TMEM217B: variants seen among roughly 807,000 people sequenced by gnomAD.
The protein encoded by TMEM217B is putative transmembrane protein 217B.
At chr6:37,212,250 T>C in the TMEM217B span, 1 of 343,998 alleles carries the variant, frequency 2.9e-6, no homozygotes, top group Non-Finnish European at 5.7e-6. Context: ...ATCTGTAAAA[T>C]AATTGATCCG....
the TMEM217B span, among the ~76,000 whole-genome samples, chr6:37,227,208 G>C: frequency 1.3e-5 from 2 of 152,154 alleles, no homozygotes; most frequent in African/African-American, 4.8e-5. Context: ...TCTAAGGAAG[G>C]CCTCGACTAG....
At chr6:37,245,893 G>A in the TMEM217B span, among the ~76,000 whole-genome samples, 3 of 151,652 alleles carry the variant, frequency 2.0e-5, no homozygotes, top group Admixed American at 6.6e-5. Context: ...TCTGCCTCCC[G>A]GGTTCAAGCG....
chr6:37,224,082 G>A, the TMEM217B span, among the ~76,000 whole-genome samples: 3 of 151,426 alleles, frequency 2.0e-5, no homozygotes, highest in Admixed American at 6.6e-5. Flanking sequence ...GACTACAGGC[G>A]CCCACCACCA....
the TMEM217B span, among the ~76,000 whole-genome samples, chr6:37,229,335 G>GTTTTTTTTTTTT: frequency 3.5e-4 from 26 of 74,364 alleles, 3 homozygotes; most frequent in Middle Eastern, 0.034. Flanking sequence ...GCAACTTTCA[G>GTTTTTTTTTTTT]TTTTTTTTTT....
the TMEM217B span, chr6:37,215,428 A>C: frequency 1.9e-6 from 2 of 1,079,530 alleles, no homozygotes; most frequent in Non-Finnish European, 2.5e-6. Flanking sequence ...TACAAAAATT[A>C]GCTGGGCATG....
the TMEM217B span, among the ~76,000 whole-genome samples, chr6:37,216,028 T>A: frequency 2.2e-3 from 250 of 116,150 alleles, 1 homozygote; most frequent in Middle Eastern, 0.015. Flanking sequence ...TGTGTGTGTG[T>A]GTGTGAGAAA....
chr6:37,244,015 G>C, the TMEM217B span, among the ~76,000 whole-genome samples: 1 of 152,158 alleles, frequency 6.6e-6, no homozygotes, highest in South Asian at 2.1e-4. Context: ...TTATCTACAG[G>C]GGAACTGGGG....
At chr6:37,228,894 G>C in the TMEM217B span, among the ~76,000 whole-genome samples, 1 of 151,720 alleles carries the variant, frequency 6.6e-6, no homozygotes. Context: ...CTACTCAGGA[G>C]GCCGAGGCAG....
the TMEM217B span, among the ~76,000 whole-genome samples, chr6:37,230,400 G>A: frequency 6.6e-6 from 1 of 152,184 alleles, no homozygotes; most frequent in East Asian, 1.9e-4. Flanking sequence ...CGTCACCAGG[G>A]ATTTCAATTC....
At chr6:37,256,400 T>G in the TMEM217B span, among the ~76,000 whole-genome samples, 2 of 152,180 alleles carry the variant, frequency 1.3e-5, no homozygotes, top group African/African-American at 4.8e-5. Flanking sequence ...TCTTTGGGCT[T>G]AGTGTGCAGT....
At chr6:37,213,416 A>C in the TMEM217B span, among the ~76,000 whole-genome samples, 1 of 152,196 alleles carries the variant, frequency 6.6e-6, no homozygotes, top group Non-Finnish European at 1.5e-5. Flanking sequence ...AGGGCTTGGA[A>C]TCATCCCTGA....
chr6:37,213,904 G>T, the TMEM217B span, among the ~76,000 whole-genome samples: 1 of 152,186 alleles, frequency 6.6e-6, no homozygotes, highest in Admixed American at 6.5e-5. Context: ...CAAAGGAAGG[G>T]GCACAGTCAC....
chr6:37,242,455 A>G, the TMEM217B span, among the ~76,000 whole-genome samples: 1 of 152,180 alleles, frequency 6.6e-6, no homozygotes, highest in Non-Finnish European at 1.5e-5. Context: ...AGATTTTCCA[A>G]AACAAAAGTT....
the TMEM217B span, among the ~76,000 whole-genome samples, chr6:37,214,822 A>G: frequency 6.6e-6 from 1 of 152,116 alleles, no homozygotes; most frequent in South Asian, 2.1e-4. Flanking sequence ...GCACCCTAGA[A>G]CCTGGAGGGC....
At chr6:37,216,620 C>A in the TMEM217B span, among the ~76,000 whole-genome samples, 133,667 of 152,192 alleles carry the variant, frequency 0.88, 58,944 homozygotes, top group African/African-American at 0.96. Context: ...GCAGGAGAGC[C>A]CTGAGGATGG....
the TMEM217B span, among the ~76,000 whole-genome samples, chr6:37,224,219 G>A: frequency 1.3e-4 from 20 of 151,098 alleles, no homozygotes; most frequent in Admixed American, 6.6e-4. Context: ...GATTACAGGC[G>A]TGAGCCACCG....
chr6:37,247,845 G>T, the TMEM217B span, among the ~76,000 whole-genome samples: 3 of 152,266 alleles, frequency 2.0e-5, no homozygotes, highest in East Asian at 5.8e-4. Context: ...CTCCCAGGAG[G>T]AGTTAACTCT....
chr6:37,257,357 G>A, the TMEM217B span, among the ~76,000 whole-genome samples: 1 of 152,204 alleles, frequency 6.6e-6, no homozygotes, highest in Non-Finnish European at 1.5e-5. Flanking sequence ...TAAACGGAAT[G>A]AGGAAAGGAG....
chr6:37,248,312 A>G, the TMEM217B span, among the ~76,000 whole-genome samples: 22 of 152,322 alleles, frequency 1.4e-4, no homozygotes, highest in South Asian at 3.9e-3. Flanking sequence ...TAGATGCTCA[A>G]TAAAAGCTAG....
Sources: gnomAD v4.1 joint callset for allele counts (sites outside exome capture counted in the v4.1 genomes callset) on GRCh38, gnomAD v4.1.1 for gene constraint, MANE v1.5 for transcripts, NCBI Gene and HGNC (gene_info 2026-07-23, HGNC 2026-07-21) for gene names.